The following PTN variants were observed in gnomAD, a reference collection of about 807,000 sequenced individuals.
PTN encodes heparin affin regulatory protein.
A neutral mutation model predicts 24.1 loss-of-function variants in PTN; 18 were observed. The ratio of observed to expected loss-of-function variants is 0.75; its 90% confidence interval spans 0.52 to 1.11. PTN has a LOEUF of 1.11. PTN is among the 50% of genes least tolerant of loss of function. PTN has a pLI of 0.00. For synonymous variants in PTN, 78 were observed against 68.6 expected (o/e 1.14, Z -0.67); for missense variants, 163 against 198.8 (o/e 0.82, Z 1.08).
chr7:137,272,980 G>T lies in PTN; in HGVS notation c.-1-18006C>A, dbSNP rs10264510. Among the ~76,000 whole-genome samples, 100 of 152,106 alleles carry T rather than the reference G, an allele frequency of 6.6e-4. 1 individual carries two copies. The highest frequency in any genetic ancestry group is 8.8e-5 in the Non-Finnish European group (6 of 67,990). ...TACTGTCTACTGATGAAGTTCTATC[G>T]AAAGCCTTTGGATAATAATGTAATT... On this transcript the variant is annotated intron_variant, in intron 1 of 4. Coordinates refer to ENST00000348225, the MANE Select transcript of PTN (RefSeq NM_002825.7).
intron 1 of PTN, among the ~76,000 whole-genome samples, chr7:137,291,177 A>C (rs958051725): frequency 2.6e-5 from 4 of 152,202 alleles, no homozygotes; most frequent in Non-Finnish European, 4.4e-5. Flanking sequence ...AAAGTACATA[A>C]GTGTACATAC....
intron 1 of PTN, among the ~76,000 whole-genome samples, chr7:137,289,762 G>A (rs1250167021): frequency 1.3e-5 from 2 of 152,122 alleles, no homozygotes; most frequent in African/African-American, 2.4e-5. Flanking sequence ...ATCTGAATCA[G>A]CTTGTAAGTT....
chr7:137,286,089 T>G (rs1809549382), intron 1 of PTN, among the ~76,000 whole-genome samples: 1 of 152,226 alleles, frequency 6.6e-6, no homozygotes, highest in Non-Finnish European at 1.5e-5. Flanking sequence ...AAAACTCATA[T>G]GCACCTAGTT....
At chr7:137,271,365 C>T (rs1001912827) in intron 1 of PTN, among the ~76,000 whole-genome samples, 2 of 152,166 alleles carry the variant, frequency 1.3e-5, no homozygotes, top group African/African-American at 4.8e-5. Flanking sequence ...TGACTAAAAG[C>T]ATGGAGTCTT....
intron 1 of PTN, among the ~76,000 whole-genome samples, chr7:137,311,442 A>G (rs1480647540): frequency 6.6e-6 from 1 of 152,038 alleles, no homozygotes; most frequent in Non-Finnish European, 1.5e-5. Context: ...TTGCATTCAC[A>G]ATTTGGCTGT....
chr7:137,281,032 A>G (rs1339067897), intron 1 of PTN, among the ~76,000 whole-genome samples: 2 of 152,202 alleles, frequency 1.3e-5, no homozygotes, highest in African/African-American at 4.8e-5. Flanking sequence ...AAAATATCAC[A>G]TAGCTGTCTC....
At chr7:137,337,443 G>T (rs1481950009) in intron 1 of PTN, among the ~76,000 whole-genome samples, 1 of 151,956 alleles carries the variant, frequency 6.6e-6, no homozygotes, top group Admixed American at 6.6e-5. Flanking sequence ...CAATCTACCT[G>T]AGTAGAGTTA....
chr7:137,300,883 G>A (rs535506541), intron 1 of PTN, among the ~76,000 whole-genome samples: 2 of 151,440 alleles, frequency 1.3e-5, no homozygotes, highest in Non-Finnish European at 2.9e-5. Flanking sequence ...TCTGAATATG[G>A]TACAAAGTTC....
intron 4 of PTN, among the ~76,000 whole-genome samples, chr7:137,231,381 T>G (rs990261625): frequency 1.3e-5 from 2 of 151,914 alleles, no homozygotes; most frequent in Admixed American, 6.6e-5. Flanking sequence ...AGTCAGCACC[T>G]AGTCATCCTT....
At chr7:137,248,526 A>G (rs1452112173) in intron 4 of PTN, among the ~76,000 whole-genome samples, 1 of 152,196 alleles carries the variant, frequency 6.6e-6, no homozygotes, top group Admixed American at 6.5e-5. Flanking sequence ...TCTCTACTAA[A>G]AAGACAGAAA....
intron 4 of PTN, among the ~76,000 whole-genome samples, chr7:137,248,771 T>A (rs1028332404): frequency 1.3e-5 from 2 of 152,196 alleles, no homozygotes; most frequent in East Asian, 1.9e-4. Context: ...AAAAGATTGG[T>A]TAGTTATAAC....
chr7:137,318,021 C>A (rs1197694449), intron 1 of PTN, among the ~76,000 whole-genome samples: 1 of 152,194 alleles, frequency 6.6e-6, no homozygotes, highest in East Asian at 1.9e-4. Flanking sequence ...AATCTCAGCA[C>A]TTTGGGAGGC....
intron 1 of PTN, among the ~76,000 whole-genome samples, chr7:137,260,927 T>G (rs949603589): frequency 6.6e-6 from 1 of 152,180 alleles, no homozygotes; most frequent in Non-Finnish European, 1.5e-5. Flanking sequence ...CATAATTCCA[T>G]AAAGAAATGT....
intron 1 of PTN, among the ~76,000 whole-genome samples, chr7:137,329,295 A>G (rs948764557): frequency 3.3e-5 from 5 of 152,204 alleles, no homozygotes; most frequent in African/African-American, 1.2e-4. Flanking sequence ...AATAATAAGA[A>G]CAGAAAGCAA....
chr7:137,284,932 G>C (rs921005910), intron 1 of PTN, among the ~76,000 whole-genome samples: 17 of 152,032 alleles, frequency 1.1e-4, no homozygotes, highest in African/African-American at 4.1e-4. Context: ...TAACATCTGA[G>C]AATAACTTTC....
chr7:137,311,041 G>C (rs1203860124), intron 1 of PTN, among the ~76,000 whole-genome samples: 1 of 151,922 alleles, frequency 6.6e-6, no homozygotes, highest in Non-Finnish European at 1.5e-5. Flanking sequence ...AAACCAAACT[G>C]GTCAACATGG....
chr7:137,280,915 A>C (rs969561904), intron 1 of PTN, among the ~76,000 whole-genome samples: 2 of 151,494 alleles, frequency 1.3e-5, no homozygotes, highest in African/African-American at 4.8e-5. Context: ...ATAAGAATGA[A>C]GACCAAGGCC....
chr7:137,230,715 C>A (rs148968829), intron 4 of PTN, among the ~76,000 whole-genome samples: 39 of 151,880 alleles, frequency 2.6e-4, no homozygotes, highest in Non-Finnish European at 4.7e-4. Flanking sequence ...AACTTATTAA[C>A]AACCTCTCAA....
In PTN at chr7:137,271,638, C is replaced by T. The variant is rs186053991; in HGVS notation, c.-1-16664G>A. Among the ~76,000 whole-genome samples, 152 of 152,280 alleles carry T rather than the reference C, an allele frequency of 1.0e-3. 2 individuals are homozygous for T. Among genetic ancestry groups the T allele is most frequent in the African/African-American group, 1.2e-4 (5 of 41,554 alleles). On this transcript the variant is annotated intron_variant, in intron 1 of 4. Coordinates refer to ENST00000348225, the MANE Select transcript of PTN (RefSeq NM_002825.7). ...TCGGCTGTTTGTATTATTCCTTTAT[C>T]GCTTTAATTTATTATAATTGAAAAG...
Sources: gnomAD v4.1 joint callset for allele counts (sites outside exome capture counted in the v4.1 genomes callset) on GRCh38, gnomAD v4.1.1 for gene constraint, MANE v1.5 for transcripts, NCBI Gene and HGNC (gene_info 2026-07-23, HGNC 2026-07-21) for gene names.